Variants in NELL2 observed in about 807,000 individuals in gnomAD.
NELL2 encodes the protein neural EGFL like 2.
In NELL2, 41 loss-of-function variants were observed where a neutral mutation model predicts 109.6. The ratio of observed to expected loss-of-function variants is 0.37; its 90% CI spans 0.29 to 0.49. NELL2 has a LOEUF of 0.49. Among genes scored for constraint, NELL2 ranks in the 20% least tolerant of loss-of-function variants. The probability of loss-of-function intolerance (pLI) is 0.98; values close to 1 mark genes in which losing one functional copy is unlikely to be tolerated. For synonymous variants in NELL2, 355 were observed against 344.7 expected (o/e 1.03, Z -0.33); for missense variants, 900 against 1,008.3 (o/e 0.89, Z 1.45).
At chr12:44,872,296 T>C (rs1040625205) in intron 2 of NELL2, among the ~76,000 whole-genome samples, 1 of 152,166 alleles carries the variant, frequency 6.6e-6, no homozygotes, top group African/African-American at 2.4e-5. Flanking sequence ...ATTATGGTAA[T>C]TGGCAAAGAT....
chr12:44,657,769 G>A (rs529734498), intron 13 of NELL2, among the ~76,000 whole-genome samples: 27 of 152,226 alleles, frequency 1.8e-4, no homozygotes, highest in Non-Finnish European at 3.2e-4. Context: ...TGAGAATGAC[G>A]GTTTCCAGCT....
At chr12:44,630,234 A>G (rs1219948128) in intron 13 of NELL2, among the ~76,000 whole-genome samples, 1 of 152,208 alleles carries the variant, frequency 6.6e-6, no homozygotes, top group African/African-American at 2.4e-5. Context: ...ACTATAAAAT[A>G]TAAGTTACTT....
chr12:44,844,218 T>A (rs931361882), intron 2 of NELL2, among the ~76,000 whole-genome samples: 11 of 152,202 alleles, frequency 7.2e-5, no homozygotes, highest in Non-Finnish European at 1.6e-4. Flanking sequence ...CATCTCTTAA[T>A]ATTACCACAT....
At chr12:44,811,349 A>AAAAAAAAAAAAAAAT (rs1943172725) in intron 3 of NELL2, among the ~76,000 whole-genome samples, 1 of 151,256 alleles carries the variant, frequency 6.6e-6, no homozygotes, top group Non-Finnish European at 1.5e-5. Flanking sequence ...AAAAAAAAAA[A>AAAAAAAAAAAAAAAT]AAAAAAAAAA....
intron 1 of NELL2, among the ~76,000 whole-genome samples, chr12:44,912,118 A>C (rs1227400388): frequency 6.6e-6 from 1 of 152,024 alleles, no homozygotes; most frequent in Non-Finnish European, 1.5e-5. Context: ...GAGAGAAAAA[A>C]ATCAGCAGAA....
At chr12:44,650,099 T>G (rs1356710406) in intron 13 of NELL2, among the ~76,000 whole-genome samples, 1 of 152,212 alleles carries the variant, frequency 6.6e-6, no homozygotes, top group Non-Finnish European at 1.5e-5. Context: ...TTTCATTGAT[T>G]AACTTACAAT....
intron 2 of NELL2, among the ~76,000 whole-genome samples, chr12:44,846,331 G>A (rs1944368602): frequency 6.6e-6 from 1 of 152,218 alleles, no homozygotes; most frequent in Non-Finnish European, 1.5e-5. Context: ...AGTCTATGGT[G>A]TCAGCATCAA....
At chr12:44,756,038 T>C (rs1019024726) in intron 9 of NELL2, among the ~76,000 whole-genome samples, 1 of 152,092 alleles carries the variant, frequency 6.6e-6, no homozygotes, top group Non-Finnish European at 1.5e-5. Flanking sequence ...CTGCCTCTTC[T>C]CTCCAGTAAT....
intron 11 of NELL2, among the ~76,000 whole-genome samples, chr12:44,706,161 C>T (rs1176139513): frequency 3.3e-5 from 5 of 152,066 alleles, no homozygotes; most frequent in Non-Finnish European, 5.9e-5. Context: ...TAGGAAGTGC[C>T]TTGCTTTTTA....
At chr12:44,729,771 A>G (rs111356088) in intron 9 of NELL2, among the ~76,000 whole-genome samples, 11,254 of 151,446 alleles carry the variant, frequency 0.074, 1,358 homozygotes, top group African/African-American at 0.25. Flanking sequence ...GTGAACCACC[A>G]CACCAGGCCT....
chr12:44,550,150 T>A (rs934204464), intron 15 of NELL2, among the ~76,000 whole-genome samples: 1 of 151,880 alleles, frequency 6.6e-6, no homozygotes, highest in African/African-American at 2.4e-5. Flanking sequence ...GAAAGGAAAG[T>A]CTCTTCAAAA....
At chr12:44,831,072 C>T (rs1943872597) in intron 2 of NELL2, among the ~76,000 whole-genome samples, 1 of 152,102 alleles carries the variant, frequency 6.6e-6, no homozygotes, top group Non-Finnish European at 1.5e-5. Flanking sequence ...CCAGCCCCAT[C>T]TTACCACCCT....
chr12:44,625,291 A>T (rs2136277540), intron 13 of NELL2, among the ~76,000 whole-genome samples: 1 of 151,930 alleles, frequency 6.6e-6, no homozygotes, highest in Non-Finnish European at 1.5e-5. Flanking sequence ...CATTATAAAG[A>T]TGTGTTTCAT....
intron 3 of NELL2, among the ~76,000 whole-genome samples, chr12:44,782,138 T>A (rs1159614569): frequency 6.6e-6 from 1 of 151,836 alleles, no homozygotes; most frequent in African/African-American, 2.4e-5. Flanking sequence ...TGAGTGAGGG[T>A]AAAGAAACAT....
intron 2 of NELL2, among the ~76,000 whole-genome samples, chr12:44,820,557 C>T (rs184582029): frequency 2.7e-5 from 4 of 148,546 alleles, no homozygotes; most frequent in Admixed American, 6.8e-5. Flanking sequence ...TGCAGTGAGC[C>T]GAGATCGCGC....
intron 15 of NELL2, among the ~76,000 whole-genome samples, chr12:44,555,923 C>T (rs2136173189): frequency 6.6e-6 from 1 of 152,260 alleles, no homozygotes; most frequent in South Asian, 2.1e-4. Context: ...GGAAATAAAG[C>T]TATGAAGGCT....
Position 44,703,984 on chromosome 12 carries a change from C to T in NELL2, c.1190-130G>A, listed in dbSNP as rs1046099265. 1.2e-5 allele frequency: 9 copies of T among 720,030 alleles called. No individual in the cohort carries two copies. The Admixed American group carries it at 2.7e-4, about 22-fold the overall frequency. The allele number at this position is 720,030 out of a possible 1,614,324, so 44.6% of individuals were successfully genotyped here. On this transcript the variant is annotated intron_variant, in intron 11 of 19. Coordinates refer to ENST00000429094, the MANE Select transcript of NELL2 (RefSeq NM_001145108.2). ...ATTTTTTAATTAGTATCTTCATCAA[C>T]ATTTACAGAAGAATCACATGCTATG...
chr12:44,518,030 A>C (rs963251358), intron 19 of NELL2, among the ~76,000 whole-genome samples: 2 of 152,242 alleles, frequency 1.3e-5, no homozygotes, highest in Non-Finnish European at 2.9e-5. Flanking sequence ...TACTTGAGAT[A>C]AATTTGACAA....
At chr12:44,827,060 T>A (rs1173103454) in intron 2 of NELL2, among the ~76,000 whole-genome samples, 9 of 152,290 alleles carry the variant, frequency 5.9e-5, no homozygotes. Context: ...AACAGAAGGC[T>A]TTTTTAAAAG....
Sources: allele counts gnomAD v4.1 joint callset (sites outside exome capture counted in the v4.1 genomes callset), GRCh38; gene constraint gnomAD v4.1.1; transcripts MANE v1.5; gene names NCBI Gene and HGNC (gene_info 2026-07-23, HGNC 2026-07-21).